CILP2: variants seen among roughly 807,000 people sequenced by gnomAD.
CILP2 encodes the protein cartilage intermediate layer protein 2, also known as CILP-2.
Under a neutral mutation model 45.6 loss-of-function variants are expected in CILP2, and 38 were observed. The observed-to-expected ratio is 0.83, with a 90% CI of 0.64 to 1.09. The LOEUF (loss-of-function observed/expected upper bound fraction) is 1.09, where lower values mean the gene tolerates loss of function less well. Ranked by LOEUF, CILP2 falls within the 50% of genes least tolerant of loss-of-function variation. CILP2 has a pLI of 0.00. For missense variants in CILP2, 1,735 were observed against 1,662.2 expected, an observed-to-expected ratio of 1.04 and a Z score of -0.76; for synonymous variants, 780 against 723.5, an observed-to-expected ratio of 1.08 and a Z score of -1.25.
rs1291697815 is a variant in CILP2, at chr19:19,544,953, A to G, written c.2408A>G (p.Asp803Gly). ...GCCTTCTGCGACGCCGACAGGCCAG[A>G]CGCCTACACCGCCCTGGTCACCGCC... is the stretch of plus-strand genomic sequence containing the variant. The part of the protein sequence containing the change: ...LPAFCDADRP[D>G]AYTALVTATL... Residue 803 changes from aspartate (D) to glycine (G), a missense_variant, in exon 8 of 8, where the codon GAC (aspartate) becomes GGC (glycine). Transcript: ENST00000291495. The G allele has an allele frequency of 6.3e-7, 1 of 1,596,256 alleles. No individual in the cohort carries two copies. The highest frequency in any genetic ancestry group is 1.1e-5 in the South Asian group (1 of 90,628).
intron 2 of CILP2, 95 bp from the exon 3 acceptor site, chr19:19,540,109 G>A (rs2144675508): frequency 2.2e-6 from 3 of 1,389,256 alleles, no homozygotes; most frequent in East Asian, 2.7e-5. Context: ...GGTGCCCACC[G>A]GGGGAGGGGG....
rs1401206904 is a variant in CILP2, at chr19:19,543,359, T to C, written c.1089T>C (p.Asn363=). The change falls in exon 7 of 8, where the codon AAT becomes AAC. Residue 363 remains asparagine (N), a synonymous_variant. Coordinates refer to ENST00000291495, the MANE Select transcript of CILP2 (RefSeq NM_153221.2). ...GCATCTACCACTGCAAGGCATGGAA[T>C]GAGGCGGGTGCCGTGCGCTCGGGCA... ...QAGIYHCKAW[N]EAGAVRSGTA... is the part of the protein sequence containing the mutation. 6.2e-7 allele frequency: 1 copy of C among 1,613,466 alleles called. No homozygotes were observed. The highest frequency in any genetic ancestry group is 1.3e-5 in the African/African-American group (1 of 75,048).
chr19:19,543,000 A>T, intron 6 of CILP2, 28 bp downstream of exon 6: 1 of 1,417,790 alleles, frequency 7.1e-7, no homozygotes, highest in Non-Finnish European at 9.9e-7. Flanking sequence ...GCTCAGGGGC[A>T]TCTTCTGTGG....
At chr19:19,543,091 G>T in intron 6 of CILP2, 119 bp downstream of exon 6, 1 of 971,998 alleles carries the variant, frequency 1.0e-6, no homozygotes, top group Non-Finnish European at 1.6e-6. Context: ...GGAATGAATT[G>T]GGTGGGAGAG....
intron 2 of CILP2, 75 bp from the exon 3 acceptor site, chr19:19,540,129 C>T: frequency 7.0e-7 from 1 of 1,427,400 alleles, no homozygotes. Flanking sequence ...GCTGAGACAG[C>T]AAGTAAGGCC....
Position 19,544,788 on chromosome 19 carries a change from A to G in CILP2, c.2243A>G (p.Lys748Arg), listed in dbSNP as rs1014594705. The change falls in exon 8 of 8, where the codon AAG becomes AGG. Residue 748 changes from lysine (K) to arginine (R), a missense_variant. Coordinates refer to ENST00000291495, the MANE Select transcript of CILP2 (RefSeq NM_153221.2). ...AAGGTGCGCGCCTACGCCAACGACAAGTTCACCCCCAGCGAGCAGGTGGAG... is the reference window on the plus strand; with the variant it reads ...AAGGTGCGCGCCTACGCCAACGACAGGTTCACCCCCAGCGAGCAGGTGGAG... Reference protein sequence around the residue: ...FVKVRAYANDKFTPSEQVEGV... With the variant: ...FVKVRAYANDRFTPSEQVEGV... 1.2e-6 allele frequency: 2 copies of G among 1,606,300 alleles called. No individual in the cohort carries two copies. The highest frequency in any genetic ancestry group is 1.7e-6 in the Non-Finnish European group (2 of 1,179,622).
At position 19,544,254 on chromosome 19, in the gene CILP2, T is replaced by C. The variant is rs2061254903; in HGVS notation, c.1709T>C (p.Ile570Thr). The change falls in exon 8 of 8, where the codon ATC (isoleucine) becomes ACC (threonine). Residue 570 changes from isoleucine to threonine, a missense_variant. Ile to Thr is a moderately conservative substitution (Grantham distance 89, BLOSUM62 -1). Transcript: ENST00000291495. ...VILHTSQSNTIPLGELEDEAP... is the reference protein window; with the variant it reads ...VILHTSQSNTTPLGELEDEAP... ...TTACATACCAGCCAGAGCAACACGA[T>C]CCCCCTGGGCGAGCTGGAAGATGAG... 6.2e-7 allele frequency: 1 copy of C among 1,613,584 alleles called. No homozygotes were observed. Among genetic ancestry groups the C allele is most frequent in the Non-Finnish European group, 8.5e-7 (1 of 1,179,986 alleles).
chr19:19,541,085 C>A lies in CILP2; in HGVS notation c.437-6C>A. The A allele has an allele frequency of 7.9e-7, 1 of 1,261,058 alleles. No individual in the cohort carries two copies. The highest frequency in any genetic ancestry group is 1.0e-6 in the Non-Finnish European group (1 of 1,002,864). The allele number at this position is 1,261,058 out of a possible 1,614,324, so 78.1% of individuals were successfully genotyped here. ...GCCACCTGATCTCCGTCCCTGCCTT[C>A]CGCAGAAGCCTCGTGGGGCGCGTGG... On this transcript the variant is annotated splice_region_variant and splice_polypyrimidine_tract_variant and intron_variant, in intron 3 of 7. Transcript: ENST00000291495.
Position 19,545,073 on chromosome 19 carries a change from G to C in CILP2, c.2528G>C (p.Gly843Ala). ...ACCCAGCCCTACCTGGACAGGCTGG[G>C]GTACCGTCGGACGGACCACGACGAT... Reference protein sequence around the residue: ...GVTQPYLDRLGYRRTDHDDPA... With the variant: ...GVTQPYLDRLAYRRTDHDDPA... The change falls in exon 8 of 8, where the codon GGG becomes GCG. Residue 843 changes from glycine to alanine, a missense_variant. Physicochemically the swap from Gly to Ala is moderately conservative, Grantham distance 60. Coordinates refer to ENST00000291495, the MANE Select transcript of CILP2 (RefSeq NM_153221.2). 6.2e-7 allele frequency: 1 copy of C among 1,609,686 alleles called. No homozygotes were observed. The highest frequency in any genetic ancestry group is 1.3e-5 in the African/African-American group (1 of 75,002).
chr19:19,539,580 A>T (rs182557669), intron 1 of CILP2, 99 bp from the exon 2 acceptor site: 4 of 549,284 alleles, frequency 7.3e-6, no homozygotes, highest in Non-Finnish European at 1.1e-5. Flanking sequence ...AAAAAAAAAA[A>T]GGGGGGGGAT....
Position 19,544,851 on chromosome 19 carries a change from C to T in CILP2, c.2306C>T (p.Pro769Leu). The T allele has an allele frequency of 6.3e-7, 1 of 1,597,644 alleles. No homozygotes were observed. The highest frequency in any genetic ancestry group is 1.1e-5 in the South Asian group (1 of 90,700). ...ACGCTGGTCAATCTGGAGCCCGCCC[C>T]CGGCTTCTCCGCCAACCCCCGTGCC... ...VVTLVNLEPA[P>L]GFSANPRAWG... Residue 769 changes from proline to leucine, a missense_variant, in exon 8 of 8, where the codon CCC becomes CTC. Coordinates refer to ENST00000291495, the MANE Select transcript of CILP2 (RefSeq NM_153221.2).
intron 2 of CILP2, among the ~76,000 whole-genome samples, 177 bp downstream of exon 2, chr19:19,539,954 G>C (rs1055398530): frequency 2.6e-5 from 4 of 152,310 alleles, no homozygotes; most frequent in Admixed American, 2.0e-4. Flanking sequence ...CTAAGTGAGA[G>C]GCCGGTCAGA....
intron 1 of CILP2, 94 bp from the exon 2 acceptor site, chr19:19,539,585 G>GGGA: frequency 1.3e-6 from 1 of 776,840 alleles, no homozygotes; most frequent in Non-Finnish European, 1.9e-6. Context: ...AAAAAAGGGG[G>GGGA]GGGATGATCG....
At position 19,544,423 on chromosome 19, in the gene CILP2, C is replaced by G; in HGVS notation, c.1878C>G (p.Arg626=). Reference sequence around the variant, plus strand: ...CGGCGTCTGCCCCCAGTGACCTGCGCTTCGTGGACAGCGACGGCGAGCTGG... The same window carrying G: ...CGGCGTCTGCCCCCAGTGACCTGCGGTTCGTGGACAGCGACGGCGAGCTGG... The part of the protein sequence containing the change: ...TSAASAPSDL[R]FVDSDGELAP... Residue 626 remains arginine (R), a synonymous_variant, in exon 8 of 8, where the codon CGC becomes CGG. Coordinates refer to ENST00000291495, the MANE Select transcript of CILP2 (RefSeq NM_153221.2). 11 of 1,610,558 alleles carry G rather than the reference C, an allele frequency of 6.8e-6. No individual in the cohort carries two copies. Among genetic ancestry groups the G allele is most frequent in the Non-Finnish European group, 9.3e-6 (11 of 1,179,722 alleles).
rs1386396041 is a variant in CILP2 at position 19,542,609 on chromosome 19, A to G, written c.827A>G (p.Asn276Ser). The change falls in exon 5 of 8, where the codon AAC becomes AGC. Residue 276 changes from asparagine (N) to serine (S), a missense_variant. Physicochemically the swap from Asn to Ser is conservative, Grantham distance 46. Transcript: ENST00000291495. ...GCAGGGGAGGCCCAGGCCCAGGCCA[A>G]CGGATCCATCTCTGTGGTCACCATC... Reference protein sequence around the residue: ...FSAGEAQAQANGSISVVTIIL... With the variant: ...FSAGEAQAQASGSISVVTIIL... 1.2e-6 allele frequency: 2 copies of G among 1,614,098 alleles called. No homozygotes were observed. The highest frequency in any genetic ancestry group is 1.7e-6 in the Non-Finnish European group (2 of 1,180,026).
Position 19,543,704 on chromosome 19 carries a change from CCCCGG to C in CILP2, c.1163_1167del (p.Arg388ProfsTer9). 6.3e-7 allele frequency: 1 copy of C among 1,598,420 alleles called. No individual in the cohort carries two copies. Among genetic ancestry groups the C allele is most frequent in the Non-Finnish European group, 8.5e-7 (1 of 1,170,006 alleles). ...AGCCCCAGGCCAGCCAGCCTGCGAC[CCCCGG>C]CCCCGAGAGTACCTGATCAAGCTCC... On this transcript the variant is annotated frameshift_variant, in exon 8 of 8. Coordinates refer to ENST00000291495, the MANE Select transcript of CILP2 (RefSeq NM_153221.2). LOFTEE classifies it low-confidence loss of function (END_TRUNC).
In CILP2 at chr19:19,544,637, C is replaced by A; in HGVS notation, c.2092C>A (p.Arg698=). ...TGLWEEESGF[R]REGSSGPRVR... is the part of the protein sequence containing the mutation. ...CTTGTGGGAGGAGGAGAGCGGCTTC[C>A]GGCGCGAGGGGTCCTCGGGCCCCCG... Residue 698 remains arginine, a synonymous_variant, in exon 8 of 8, where the codon CGG becomes AGG. Transcript: ENST00000291495. 2 of 1,549,022 alleles carry A rather than the reference C, an allele frequency of 1.3e-6. No individual in the cohort carries two copies. Among genetic ancestry groups the A allele is most frequent in the Non-Finnish European group, 1.7e-6 (2 of 1,155,396 alleles).
Position 19,542,992 on chromosome 19 carries a change from T to C in CILP2, c.977+20T>C, listed in dbSNP as rs1276039955. 2.0e-6 allele frequency: 3 copies of C among 1,472,274 alleles called. No homozygotes were observed. The highest frequency in any genetic ancestry group is 2.8e-5 in the African/African-American group (2 of 71,854). 91.2% of individuals were successfully genotyped at this position (1,472,274 alleles called of 1,614,324 possible). ...CTCCTGGTGAGCGCCCGCCCCGGGC[T>C]CAGGGGCATCTTCTGTGGCTTTGGG... is the stretch of plus-strand genomic sequence containing the variant. On this transcript the variant is annotated intron_variant, in intron 6 of 7. Transcript: ENST00000291495.
rs762122624 is a variant in CILP2, at chr19:19,544,827, C to T, written c.2282C>T (p.Thr761Met). The change falls in exon 8 of 8, where the codon ACG (threonine) becomes ATG (methionine). Residue 761 changes from threonine (T) to methionine (M), a missense_variant. By Grantham distance (81) the Thr-to-Met change is moderately conservative. Transcript: ENST00000291495. Reference protein sequence around the residue: ...PSEQVEGVVVTLVNLEPAPGF... With the variant: ...PSEQVEGVVVMLVNLEPAPGF... ...GAGCAGGTGGAGGGCGTGGTGGTCA[C>T]GCTGGTCAATCTGGAGCCCGCCCCC... The T allele has an allele frequency of 2.0e-5, 32 of 1,602,692 alleles. No individual in the cohort carries two copies. The highest frequency in any genetic ancestry group is 1.1e-4 in the South Asian group (10 of 91,032).
Sources: gnomAD v4.1 joint callset for allele counts (sites outside exome capture counted in the v4.1 genomes callset) on GRCh38, gnomAD v4.1.1 for gene constraint, MANE v1.5 for transcripts, NCBI Gene and HGNC (gene_info 2026-07-23, HGNC 2026-07-21) for gene names.